XPO6: variants seen among roughly 807,000 people sequenced by gnomAD.
XPO6 encodes exportin 6.
A neutral mutation model predicts 130.0 loss-of-function variants in XPO6; 3 were observed. The ratio of observed to expected loss-of-function variants is 0.02; its 90% confidence interval spans 0.01 to 0.06. The LOEUF (loss-of-function observed/expected upper bound fraction) is 0.06. Ranked by LOEUF, XPO6 falls within the 10% of genes least tolerant of loss-of-function variation. The probability of loss-of-function intolerance (pLI) is 1.00; values close to 1 mark genes in which losing one functional copy is unlikely to be tolerated. For missense variants in XPO6, 970 were observed against 1,393.0 expected (o/e 0.70, Z 4.83); for synonymous variants, 524 against 548.9 (o/e 0.95, Z 0.63).
chr16:28,152,579 A>G, intron 8 of XPO6, 80 bp downstream of exon 8: 2 of 1,512,250 alleles, frequency 1.3e-6, no homozygotes, highest in Non-Finnish European at 1.8e-6. Context: ...AATAAAGTTG[A>G]AAGAAAAAGT....
chr16:28,201,748 C>T (rs775801668), intron 1 of XPO6, among the ~76,000 whole-genome samples: 10 of 151,866 alleles, frequency 6.6e-5, no homozygotes, highest in Non-Finnish European at 1.2e-4. Flanking sequence ...CCCAGCTACT[C>T]GGGAGGCTGA....
chr16:28,160,187 A>T lies in XPO6; in HGVS notation c.644-3660T>A, dbSNP rs1454709234. ...GCAACAGAGCAAGCCTCCGTCTTAA[A>T]AAAAAAAAAAAAAAAAAAAAAAAAT... On this transcript the variant is annotated intron_variant, in intron 6 of 23. Coordinates refer to ENST00000304658, the MANE Select transcript of XPO6 (RefSeq NM_015171.4). 1.0e-3 allele frequency among the ~76,000 whole-genome samples: 14 copies of T among 13,432 alleles called. No homozygotes were observed. The South Asian group carries it at 0.11, about 107-fold the overall frequency. 8.8% of individuals were successfully genotyped at this position (13,432 alleles called of 152,430 possible).
Position 28,211,480 on chromosome 16 carries a change from CA to C in XPO6, c.-113del. On this transcript the variant is annotated 5_prime_UTR_variant, in exon 1 of 24. Transcript: ENST00000304658. ...AGACTCGGGAAGTCCCCCACCCATGCAAAGACAACCCCTTCCCCACCGGGCC... is the reference window on the plus strand; with the variant it reads ...AGACTCGGGAAGTCCCCCACCCATGCAAGACAACCCCTTCCCCACCGGGCC... 8.3e-7 allele frequency: 1 copy of C among 1,211,190 alleles called. No homozygotes were observed. Among genetic ancestry groups the C allele is most frequent in the Non-Finnish European group, 1.1e-6 (1 of 943,948 alleles). The allele number at this position is 1,211,190 out of a possible 1,614,324, so 75.0% of individuals were successfully genotyped here.
At chr16:28,197,877 C>T (rs905897901) in intron 1 of XPO6, among the ~76,000 whole-genome samples, 3 of 144,796 alleles carry the variant, frequency 2.1e-5, no homozygotes, top group Non-Finnish European at 3.0e-5. Context: ...CAAGATCACG[C>T]CACCGCACTC....
At chr16:28,111,082 C>A (rs1171487850) in intron 17 of XPO6, 1 of 152,184 alleles carries the variant, frequency 6.6e-6, no homozygotes, top group Non-Finnish European at 1.5e-5. Flanking sequence ...TGTATTTGTA[C>A]AATGCACATA....
Position 28,166,550 on chromosome 16 carries a change from T to C in XPO6, c.601A>G (p.Thr201Ala), listed in dbSNP as rs755824996. ...GGGGATGGTGGTGGAGTGGCAGCAG[T>C]AACACTGTGTTTGTCCCAGACAGTC... ...LETVWDKHSV[T>A]AATPPPSPTS... The change falls in exon 6 of 24, where the codon ACT becomes GCT. Residue 201 changes from threonine (T) to alanine (A), a missense_variant. Transcript: ENST00000304658. 5.0e-6 allele frequency: 8 copies of C among 1,591,748 alleles called. No individual in the cohort carries two copies. The Admixed American group carries it at 1.4e-4, about 28-fold the overall frequency.
At chr16:28,113,200 A>G (rs2086972936) in intron 15 of XPO6, 150 bp from the exon 16 acceptor site, 1 of 989,756 alleles carries the variant, frequency 1.0e-6, no homozygotes, top group South Asian at 1.8e-5. Flanking sequence ...TCCTATGATG[A>G]CTACAAGAGA....
chr16:28,207,758 TCA>T (rs1429083771), intron 1 of XPO6, among the ~76,000 whole-genome samples: 6 of 152,162 alleles, frequency 3.9e-5, no homozygotes, highest in African/African-American at 1.4e-4. Context: ...CAACTAGGAA[TCA>T]CAGAGCAGGT....
intron 5 of XPO6, among the ~76,000 whole-genome samples, chr16:28,168,978 A>G (rs2043406369): frequency 6.6e-6 from 1 of 152,152 alleles, no homozygotes; most frequent in Non-Finnish European, 1.5e-5. Context: ...GCCAAGCACT[A>G]AACTGGAGAT....
In XPO6 at chr16:28,107,751, G is replaced by A. The variant is rs2086818706; in HGVS notation, c.2342-74C>T. The A allele has an allele frequency of 2.6e-6, 4 of 1,554,760 alleles. No individual in the cohort carries two copies. In the East Asian group the frequency reaches 9.0e-5, roughly 35 times the overall value. On this transcript the variant is annotated intron_variant, in intron 17 of 23. Coordinates refer to ENST00000304658, the MANE Select transcript of XPO6 (RefSeq NM_015171.4). Reference sequence around the variant, plus strand: ...ATGGTAAGAGGAGACACAAGGGAGAGGGAGGAAACTTGCAAAGGTACCAAG... The same window carrying A: ...ATGGTAAGAGGAGACACAAGGGAGAAGGAGGAAACTTGCAAAGGTACCAAG...
chr16:28,108,786 T>C (rs559963446), intron 17 of XPO6, among the ~76,000 whole-genome samples: 60 of 152,256 alleles, frequency 3.9e-4, no homozygotes, highest in African/African-American at 1.4e-3. Flanking sequence ...GAGGAAGGGG[T>C]ACGGCAGAAA....
intron 1 of XPO6, among the ~76,000 whole-genome samples, chr16:28,198,868 G>A (rs1223513354): frequency 6.6e-6 from 1 of 152,072 alleles, no homozygotes; most frequent in African/African-American, 2.4e-5. Context: ...ATCTGGCCAG[G>A]CGCAGTGGCT....
intron 3 of XPO6, among the ~76,000 whole-genome samples, chr16:28,176,432 T>C (rs751487309): frequency 1.3e-5 from 2 of 151,786 alleles, no homozygotes; most frequent in Non-Finnish European, 2.9e-5. Flanking sequence ...TAACCACATG[T>C]GGGGATATAA....
In XPO6 at chr16:28,171,519, C is replaced by T. The variant is rs1567637414; in HGVS notation, c.406-1610G>A. ...GTACATTCCTTTCCCTTAGAAATAA[C>T]TCTCCCTATCACAAAGCAAGGAAAA... On this transcript the variant is annotated intron_variant, in intron 4 of 23. Coordinates refer to ENST00000304658, the MANE Select transcript of XPO6 (RefSeq NM_015171.4). 3.3e-5 allele frequency among the ~76,000 whole-genome samples: 5 copies of T among 149,362 alleles called. No individual in the cohort carries two copies. In the South Asian group the frequency reaches 1.1e-3, roughly 32 times the overall value.
chr16:28,209,637 T>C (rs751711497), intron 1 of XPO6, among the ~76,000 whole-genome samples: 1 of 113,190 alleles, frequency 8.8e-6, no homozygotes, highest in Non-Finnish European at 1.7e-5. Context: ...CTGAACTCCA[T>C]CTCAAAAAAA....
intron 12 of XPO6, among the ~76,000 whole-genome samples, chr16:28,129,044 G>T (rs753203014): frequency 2.0e-5 from 3 of 152,140 alleles, no homozygotes; most frequent in African/African-American, 4.8e-5. Flanking sequence ...GGAAGTGCTG[G>T]GTGTGTGTTT....
chr16:28,142,562 T>C (rs2042913429), intron 9 of XPO6, among the ~76,000 whole-genome samples: 1 of 151,956 alleles, frequency 6.6e-6, no homozygotes, highest in Non-Finnish European at 1.5e-5. Flanking sequence ...GGGGTTTTTG[T>C]TGTTGTTGTT....
At chr16:28,141,155 A>G (rs1206140536) in intron 9 of XPO6, among the ~76,000 whole-genome samples, 1 of 152,210 alleles carries the variant, frequency 6.6e-6, no homozygotes, top group Non-Finnish European at 1.5e-5. Flanking sequence ...AGCAAGGAGC[A>G]GTTTTTCTCA....
At chr16:28,154,255 TAAAAAAA>T (rs11284457) in intron 7 of XPO6, 21 of 811,882 alleles carry the variant, frequency 2.6e-5, no homozygotes, top group East Asian at 2.0e-4. Context: ...ACTACCCATT[TAAAAAAA>T]AAAAAAAAAA....
Sources: allele counts gnomAD v4.1 joint callset (sites outside exome capture counted in the v4.1 genomes callset), GRCh38; gene constraint gnomAD v4.1.1; transcripts MANE v1.5; gene names NCBI Gene and HGNC (gene_info 2026-07-23, HGNC 2026-07-21).